Variants in FILIP1L observed in about 807,000 individuals in gnomAD.
FILIP1L encodes filamin A interacting protein 1 like.
Under a neutral mutation model 96.6 loss-of-function variants are expected in FILIP1L, and 55 were observed. That is an observed-to-expected ratio of 0.57 (90% CI 0.46 to 0.71). The LOEUF (loss-of-function observed/expected upper bound fraction) is 0.71. FILIP1L is among the 30% of genes least tolerant of loss of function. The probability of loss-of-function intolerance (pLI) is 0.00; values close to 1 mark genes in which losing one functional copy is unlikely to be tolerated. For synonymous variants in FILIP1L, 467 were observed against 473.9 expected (o/e 0.99, Z 0.19); for missense variants, 1,304 against 1,321.2 (o/e 0.99, Z 0.20).
At chr3:99,883,073 T>C (rs1427196973) in intron 4 of FILIP1L, among the ~76,000 whole-genome samples, 2 of 152,232 alleles carry the variant, frequency 1.3e-5, no homozygotes, top group African/African-American at 2.4e-5. Flanking sequence ...GTCTACATCA[T>C]AAAATGCAGG....
chr3:99,844,515 T>C (rs1169432938), intron 5 of FILIP1L, among the ~76,000 whole-genome samples: 1 of 152,222 alleles, frequency 6.6e-6, no homozygotes, highest in African/African-American at 2.4e-5. Context: ...GTCTAACATA[T>C]TTCAAAGGAG....
intron 1 of FILIP1L, among the ~76,000 whole-genome samples, chr3:99,999,039 G>A (rs771238517): frequency 2.8e-4 from 42 of 152,132 alleles, no homozygotes; most frequent in Non-Finnish European, 1.3e-4. Context: ...GAAGCCTTCC[G>A]TGCCTCCCAT....
intron 1 of FILIP1L, among the ~76,000 whole-genome samples, chr3:100,014,898 T>C (rs1710290314): frequency 9.1e-6 from 1 of 110,398 alleles, no homozygotes; most frequent in African/African-American, 3.0e-5. Context: ...TTTCTTTCTT[T>C]TTTTTTTTTT....
intron 5 of FILIP1L, among the ~76,000 whole-genome samples, chr3:99,846,575 G>C (rs1246548196): frequency 1.3e-5 from 2 of 152,148 alleles, no homozygotes; most frequent in Non-Finnish European, 2.9e-5. Flanking sequence ...TAAGATAAAT[G>C]TGTTTAAACA....
chr3:100,023,413 T>C (rs2107236642), intron 1 of FILIP1L: 1 of 152,680 alleles, frequency 6.5e-6, no homozygotes, highest in African/African-American at 2.4e-5. Context: ...TGTTTTCTCG[T>C]TGGATGAACA....
At chr3:100,091,974 A>G (rs1054443866) in intron 1 of FILIP1L, among the ~76,000 whole-genome samples, 22 of 152,218 alleles carry the variant, frequency 1.4e-4, no homozygotes, top group Non-Finnish European at 2.2e-4. Flanking sequence ...TTTACCAGCT[A>G]TCTGTCCTAG....
At chr3:100,014,874 C>CTTTTTTTTTTTTTT (rs200759774) in intron 1 of FILIP1L, among the ~76,000 whole-genome samples, 5 of 28,208 alleles carry the variant, frequency 1.8e-4, no homozygotes, top group Non-Finnish European at 2.8e-4. Context: ...TTTTTCTTTT[C>CTTTTTTTTTTTTTT]TTTTTTTTTT....
intron 1 of FILIP1L, among the ~76,000 whole-genome samples, chr3:99,980,600 T>C (rs758756168): frequency 6.6e-6 from 1 of 152,204 alleles, no homozygotes; most frequent in Non-Finnish European, 1.5e-5. Context: ...TTACTGGCTT[T>C]CAGCAGTTTT....
At chr3:99,922,144 C>T (rs1707144946) in intron 4 of FILIP1L, among the ~76,000 whole-genome samples, 2 of 152,126 alleles carry the variant, frequency 1.3e-5, no homozygotes, top group South Asian at 4.1e-4. Context: ...TTATGCCAGG[C>T]AACACTCTGA....
chr3:100,098,598 CA>C (rs1481225646), intron 1 of FILIP1L, among the ~76,000 whole-genome samples: 2 of 152,188 alleles, frequency 1.3e-5, no homozygotes, highest in East Asian at 3.8e-4. Context: ...AATACCAGTA[CA>C]TGCAAGGAAG....
intron 1 of FILIP1L, among the ~76,000 whole-genome samples, chr3:99,983,460 GTGTGTATATATATATATA>G (rs1709215794): frequency 6.8e-4 from 47 of 69,474 alleles, no homozygotes; most frequent in South Asian, 1.8e-3. Context: ...ATATATATAT[GTGTGTATATATATATATA>G]TATATATATA....
chr3:99,837,439 G>GA (rs200867964), intron 5 of FILIP1L, among the ~76,000 whole-genome samples: 2,003 of 135,452 alleles, frequency 0.015, 19 homozygotes, highest in Non-Finnish European at 0.02. Flanking sequence ...AGAGAAGAGA[G>GA]AAAAAAAAAA....
At chr3:100,060,153 C>T (rs2065536614) in intron 1 of FILIP1L, among the ~76,000 whole-genome samples, 1 of 151,944 alleles carries the variant, frequency 6.6e-6, no homozygotes, top group Non-Finnish European at 1.5e-5. Context: ...GGTGGGTGGG[C>T]TACGGTGCCA....
intron 1 of FILIP1L, among the ~76,000 whole-genome samples, chr3:99,950,272 A>C (rs1350892409): frequency 6.6e-6 from 1 of 152,208 alleles, no homozygotes; most frequent in Non-Finnish European, 1.5e-5. Context: ...TTACTGGAAA[A>C]GGATGATAGT....
intron 1 of FILIP1L, among the ~76,000 whole-genome samples, chr3:100,074,989 C>T (rs879937368): frequency 5.3e-5 from 8 of 151,658 alleles, no homozygotes; most frequent in Non-Finnish European, 8.8e-5. Flanking sequence ...CCAACATGCC[C>T]GGCCTGATTT....
chr3:99,969,050 A>G (rs562380403), intron 1 of FILIP1L, among the ~76,000 whole-genome samples: 181 of 152,220 alleles, frequency 1.2e-3, no homozygotes, highest in Middle Eastern at 3.4e-3. Context: ...GAATTTAAAG[A>G]TTTAGGAAGT....
chr3:99,989,666 A>C lies in FILIP1L; in HGVS notation c.-10-58636T>G, dbSNP rs200873347. On this transcript the variant is annotated intron_variant, in intron 1 of 5. Transcript: ENST00000477258. ...AATACTCAATTTAGTATCTTCCTCTATATATATATATATATATATTTTTTT... is the reference window on the plus strand; with the variant it reads ...AATACTCAATTTAGTATCTTCCTCTCTATATATATATATATATATTTTTTT... Among the ~76,000 whole-genome samples the C allele has an allele frequency of 6.8e-3, 253 of 37,002 alleles. 2 individuals carry two copies. In the East Asian group the frequency reaches 0.083, roughly 12 times the overall value. 24.3% of individuals were successfully genotyped at this position (37,002 alleles called of 152,430 possible). A position where few individuals can be genotyped will look rare whatever the true frequency, so the allele number is the denominator to read the frequency against.
At chr3:100,053,765 C>A (rs1037168575) in intron 1 of FILIP1L, among the ~76,000 whole-genome samples, 3 of 152,180 alleles carry the variant, frequency 2.0e-5, no homozygotes, top group Non-Finnish European at 2.9e-5. Context: ...ACCTGGAAAT[C>A]TATCCAAAGC....
chr3:99,964,453 G>A (rs747621267), intron 1 of FILIP1L: 3 of 152,730 alleles, frequency 2.0e-5, no homozygotes, highest in Non-Finnish European at 4.4e-5. Context: ...TTACATTATA[G>A]TGAGGCAGTC....
Sources: allele counts gnomAD v4.1 joint callset (sites outside exome capture counted in the v4.1 genomes callset), GRCh38; gene constraint gnomAD v4.1.1; transcripts MANE v1.5; gene names NCBI Gene and HGNC (gene_info 2026-07-23, HGNC 2026-07-21).